Variants in ZC3H13 observed in about 807,000 individuals in gnomAD.
ZC3H13 encodes zinc finger CCCH-type containing 13.
ZC3H13 carries 64 observed loss-of-function variants against 204.1 expected under a neutral mutation model. That is an observed-to-expected ratio of 0.31 (90% CI 0.26 to 0.39). The LOEUF is 0.39. Among genes scored for constraint, ZC3H13 ranks in the 10% least tolerant of loss-of-function variants. The pLI is 1.00. For missense variants in ZC3H13, 1,833 were observed against 2,082.7 expected (o/e 0.88, Z 2.33); for synonymous variants, 667 against 693.7 (o/e 0.96, Z 0.60).
At chr13:45,958,648 GTTTTTTT>G (rs10539884) in intron 18 of ZC3H13, among the ~76,000 whole-genome samples, 7 of 123,702 alleles carry the variant, frequency 5.7e-5, no homozygotes, top group Non-Finnish European at 5.0e-5. Flanking sequence ...AAAAATCCCA[GTTTTTTT>G]TTTTTTTTTT....
At chr13:46,009,235 A>G (rs2041372431) in intron 7 of ZC3H13, among the ~76,000 whole-genome samples, 1 of 152,176 alleles carries the variant, frequency 6.6e-6, no homozygotes, top group African/African-American at 2.4e-5. Flanking sequence ...CTGACAAGAA[A>G]GAAAAGACCA....
intron 7 of ZC3H13, chr13:46,010,015 C>CTATACATT (rs1230988632): frequency 6.1e-6 from 1 of 163,908 alleles, no homozygotes; most frequent in African/African-American, 2.4e-5. Context: ...GAAAGCAATA[C>CTATACATT]TATACATTGC....
Position 45,963,552 on chromosome 13 carries a change from A to T in ZC3H13, c.4675+290T>A, listed in dbSNP as rs553476269. 2.7e-5 allele frequency: 30 copies of T among 1,128,820 alleles called. No individual in the cohort carries two copies. The South Asian group carries it at 5.3e-4, about 20-fold the overall frequency. The allele number at this position is 1,128,820 out of a possible 1,614,324, so 69.9% of individuals were successfully genotyped here. A position where few individuals can be genotyped will look rare whatever the true frequency, so the allele number is the denominator to read the frequency against. ...TCCTGCTGCCTCAACCTCCCTGAGT[A>T]GCTGTGACTACAGACATGCAACACC... On this transcript the variant is annotated intron_variant, in intron 17 of 18. Transcript: ENST00000679008.
intron 5 of ZC3H13, among the ~76,000 whole-genome samples, chr13:46,014,059 A>G (rs994351): frequency 0.75 from 114,045 of 152,134 alleles, 43,242 homozygotes; most frequent in African/African-American, 0.85. Flanking sequence ...ATTCTCTGGC[A>G]GTAGCAATGC....
intron 9 of ZC3H13, among the ~76,000 whole-genome samples, chr13:45,988,518 A>C (rs575045023): frequency 2.6e-5 from 4 of 152,248 alleles, no homozygotes; most frequent in African/African-American, 9.6e-5. Context: ...CGGCCTCCCA[A>C]AGTGTTGAGA....
At chr13:45,961,869 C>A (rs1292893935) in intron 17 of ZC3H13, among the ~76,000 whole-genome samples, 1 of 151,392 alleles carries the variant, frequency 6.6e-6, no homozygotes, top group Non-Finnish European at 1.5e-5. Context: ...CACTAAGTAC[C>A]CATGAAAATT....
At chr13:46,012,175 T>C (rs2041609729) in intron 5 of ZC3H13, among the ~76,000 whole-genome samples, 1 of 152,224 alleles carries the variant, frequency 6.6e-6, no homozygotes, top group South Asian at 2.1e-4. Context: ...TCTCAACGGA[T>C]CTGATGCCAT....
At chr13:45,973,283 TAAAA>T (rs1286538475) in intron 12 of ZC3H13, among the ~76,000 whole-genome samples, 1 of 152,096 alleles carries the variant, frequency 6.6e-6, no homozygotes, top group African/African-American at 2.4e-5. Context: ...TAAGAGCAGT[TAAAA>T]AAAGTGCTGG....
chr13:45,961,590 G>C (rs1459880064), intron 17 of ZC3H13, among the ~76,000 whole-genome samples: 1 of 143,482 alleles, frequency 7.0e-6, no homozygotes, highest in Non-Finnish European at 1.5e-5. Context: ...GTGGGGAGTT[G>C]GGGGGATGGT....
At chr13:45,999,036 A>G (rs6561279) in intron 8 of ZC3H13, among the ~76,000 whole-genome samples, 150,266 of 152,318 alleles carry the variant, frequency 0.99, 74,160 homozygotes, top group Non-Finnish European at 1. Flanking sequence ...CCAGGAGTTC[A>G]AGATCAGTCT....
rs2064544515 is a variant in ZC3H13, at chr13:45,955,818, A to ATGTATGTTGGATGTCTTTTGACCC, written c.*1308_*1309insGGGTCAAAAGACATCCAACATACA. ...CCATTTCCTTTGGCAGGTATCTTGT[A>ATGTATGTTGGATGTCTTTTGACCC]TAAAGTAACTTTACAACATATGTTT... On this transcript the variant is annotated 3_prime_UTR_variant, in exon 19 of 19. Transcript: ENST00000679008. 6.6e-6 allele frequency: 1 copy of ATGTATGTTGGATGTCTTTTGACCC among 152,172 alleles called. No homozygotes were observed. Among genetic ancestry groups the ATGTATGTTGGATGTCTTTTGACCC allele is most frequent in the Non-Finnish European group, 1.5e-5 (1 of 68,004 alleles). 9.4% of individuals were successfully genotyped at this position (152,172 alleles called of 1,614,324 possible).
rs757763513 is a variant in ZC3H13, at chr13:46,003,129, T to G, written c.944+10A>C. 1.5e-5 allele frequency: 24 copies of G among 1,606,500 alleles called. No homozygotes were observed. Among genetic ancestry groups the G allele is most frequent in the Non-Finnish European group, 2.0e-5 (23 of 1,178,424 alleles). On this transcript the variant is annotated intron_variant, in intron 8 of 18. Transcript: ENST00000679008. ...AGTTAATATTGTTAAAAACATACAA[T>G]CCTACTTACCTTGGCTTGTCTCTCT...
At chr13:46,002,496 T>C (rs1276572332) in intron 8 of ZC3H13, among the ~76,000 whole-genome samples, 1 of 152,024 alleles carries the variant, frequency 6.6e-6, no homozygotes, top group Non-Finnish European at 1.5e-5. Flanking sequence ...CTATCAACAA[T>C]AGCCAGGAGG....
In ZC3H13 at chr13:45,967,525, C is replaced by A; in HGVS notation, c.4300G>T (p.Glu1434Ter). Reference sequence around the variant, plus strand: ...TCACCTTCCAGACTCTCAGTTCTCTCGGATTTATTTGTTTCTTCAAATCCC... The same window carrying A: ...TCACCTTCCAGACTCTCAGTTCTCTAGGATTTATTTGTTTCTTCAAATCCC... Reference protein sequence around the residue: ...VQGFEETNKSERTESLEAGDD... With the variant: ...VQGFEETNKS Residue 1434 changes from glutamate to a stop codon, truncating the protein, a stop_gained, in exon 15 of 19, where the codon GAG (glutamate) becomes TAG (stop). Transcript: ENST00000679008. LOFTEE classifies it high-confidence loss of function. The A allele has an allele frequency of 1.3e-6, 2 of 1,561,474 alleles. No homozygotes were observed. Among genetic ancestry groups the A allele is most frequent in the South Asian group, 1.2e-5 (1 of 80,926 alleles).
Position 45,959,510 on chromosome 13 carries a change from A to G in ZC3H13, c.4812T>C (p.Ile1604=). Reference sequence around the variant, plus strand: ...TCTCATTTTTAACAAGCTGCTTTCGAATTGCAGAATCCCGTCTGAAGCACA... The same window carrying G: ...TCTCATTTTTAACAAGCTGCTTTCGGATTGCAGAATCCCGTCTGAAGCACA... ...KALCFRRDSA[I]RKQLVKNEKG... The change falls in exon 18 of 19, where the codon ATT becomes ATC. Residue 1604 remains isoleucine (I), a synonymous_variant. Coordinates refer to ENST00000679008, the MANE Select transcript of ZC3H13 (RefSeq NM_001330564.2). 1 of 1,543,090 alleles carries G rather than the reference A, an allele frequency of 6.5e-7. No individual in the cohort carries two copies. The highest frequency in any genetic ancestry group is 8.7e-7 in the Non-Finnish European group (1 of 1,144,272).
intron 4 of ZC3H13, among the ~76,000 whole-genome samples, chr13:46,037,056 A>C (rs1416811640): frequency 6.6e-6 from 1 of 152,194 alleles, no homozygotes; most frequent in Non-Finnish European, 1.5e-5. Context: ...AGGACGAATA[A>C]ACAACAACAA....
At chr13:46,000,192 C>T (rs1013662340) in intron 8 of ZC3H13, among the ~76,000 whole-genome samples, 7 of 152,164 alleles carry the variant, frequency 4.6e-5, no homozygotes, top group Non-Finnish European at 8.8e-5. Flanking sequence ...TGGCCCCTAA[C>T]GAGAGAGTCA....
At chr13:46,005,227 T>C (rs1260960578) in intron 7 of ZC3H13, among the ~76,000 whole-genome samples, 2 of 152,212 alleles carry the variant, frequency 1.3e-5, no homozygotes, top group Admixed American at 1.3e-4. Context: ...AAATGGACTG[T>C]TTCAATCTGA....
chr13:46,003,382 A>G lies in ZC3H13; in HGVS notation c.747-46T>C, dbSNP rs182395335. 4,931 of 1,550,764 alleles carry G rather than the reference A, an allele frequency of 3.2e-3. 20 individuals are homozygous for G. The highest frequency in any genetic ancestry group is 3.0e-3 in the Non-Finnish European group (3,449 of 1,146,806). On this transcript the variant is annotated intron_variant, in intron 7 of 18. Coordinates refer to ENST00000679008, the MANE Select transcript of ZC3H13 (RefSeq NM_001330564.2). ...TCATTAGAGGTTCAAATATGCCAAA[A>G]GGATATTTTTTAAAGCCTTCTTAAA...
Sources: allele counts gnomAD v4.1 joint callset (sites outside exome capture counted in the v4.1 genomes callset), GRCh38; gene constraint gnomAD v4.1.1; transcripts MANE v1.5; gene names NCBI Gene and HGNC (gene_info 2026-07-23, HGNC 2026-07-21).